Variants in CHL1 observed in about 807,000 individuals in gnomAD.
CHL1 encodes the protein cell adhesion molecule L1 like.
A neutral mutation model predicts 141.9 loss-of-function variants in CHL1; 96 were observed. That is an observed-to-expected ratio of 0.68 (90% CI 0.57 to 0.80). The LOEUF is 0.80. Ranked by LOEUF, CHL1 falls within the 30% of genes least tolerant of loss-of-function variation. The pLI is 0.00. For missense variants in CHL1, 1,820 were observed against 1,457.2 expected (o/e 1.25, Z -4.05); for synonymous variants, 613 against 502.2 (o/e 1.22, Z -2.95).
At chr3:247,822 A>T (rs1446320171) in intron 2 of CHL1, 1 of 152,136 alleles carries the variant, frequency 6.6e-6, no homozygotes, top group Admixed American at 6.6e-5. Context: ...AGGTGATGAA[A>T]GATTCCACTG....
intron 19 of CHL1, among the ~76,000 whole-genome samples, chr3:386,937 T>A (rs1559344997): frequency 6.6e-6 from 1 of 152,216 alleles, no homozygotes; most frequent in African/African-American, 2.4e-5. Flanking sequence ...GTAACATATA[T>A]TTTGAGTAGC....
At chr3:280,989 TAACCCAGTAATTCCC>T (rs1696596304) in intron 2 of CHL1, among the ~76,000 whole-genome samples, 1 of 152,150 alleles carries the variant, frequency 6.6e-6, no homozygotes, top group South Asian at 2.1e-4. Flanking sequence ...TCACATTTTC[TAACCCAGTAATTCCC>T]AACTGGGGTT....
At chr3:345,467 A>T (rs9817484) in intron 9 of CHL1, among the ~76,000 whole-genome samples, 78,383 of 134,676 alleles carry the variant, frequency 0.58, 22,423 homozygotes, top group Admixed American at 0.72. Context: ...TATTTATTTA[A>T]TTATTTATTC....
At chr3:270,067 G>C (rs1695502285) in intron 2 of CHL1, among the ~76,000 whole-genome samples, 1 of 152,108 alleles carries the variant, frequency 6.6e-6, no homozygotes, top group African/African-American at 2.4e-5. Context: ...AATCAAAAAA[G>C]AGACAACGCT....
At chr3:352,674 C>T (rs1703369167) in intron 10 of CHL1, among the ~76,000 whole-genome samples, 2 of 152,096 alleles carry the variant, frequency 1.3e-5, no homozygotes, top group Admixed American at 6.6e-5. Flanking sequence ...CCCAATATTA[C>T]ATGATTCAGG....
At chr3:385,159 C>A (rs932859722) in intron 19 of CHL1, among the ~76,000 whole-genome samples, 1 of 151,946 alleles carries the variant, frequency 6.6e-6, no homozygotes, top group African/African-American at 2.4e-5. Context: ...CTGTATTATC[C>A]TCCCTTAAGT....
intron 2 of CHL1, among the ~76,000 whole-genome samples, chr3:315,718 C>T (rs1452387838): frequency 6.6e-6 from 1 of 152,074 alleles, no homozygotes; most frequent in Non-Finnish European, 1.5e-5. Flanking sequence ...ACTAGTCGTA[C>T]TGGAGAACCT....
chr3:248,742 A>C (rs773541738), intron 2 of CHL1: 6 of 152,144 alleles, frequency 3.9e-5, no homozygotes, highest in Non-Finnish European at 5.9e-5. Flanking sequence ...ACAGTTCCTC[A>C]GTTGCTACTG....
intron 2 of CHL1, among the ~76,000 whole-genome samples, chr3:292,531 C>T (rs1462348080): frequency 6.6e-6 from 1 of 152,160 alleles, no homozygotes; most frequent in Non-Finnish European, 1.5e-5. Context: ...TTCACCACAC[C>T]ACAGTAGGTA....
At chr3:217,381 A>G (rs765639747) in intron 1 of CHL1, among the ~76,000 whole-genome samples, 8 of 152,200 alleles carry the variant, frequency 5.3e-5, no homozygotes, top group Non-Finnish European at 1.0e-4. Context: ...TGAGGAAGAC[A>G]GATTTCCTGC....
At chr3:244,561 T>C in intron 1 of CHL1, 52 bp from the exon 2 acceptor site, 1 of 152,212 alleles carries the variant, frequency 6.6e-6, no homozygotes, top group East Asian at 1.9e-4. Flanking sequence ...AATTTAAAAG[T>C]GACTCAAATG....
At chr3:232,091 G>T (rs534513688) in intron 1 of CHL1, among the ~76,000 whole-genome samples, 1 of 152,118 alleles carries the variant, frequency 6.6e-6, no homozygotes, top group Non-Finnish European at 1.5e-5. Context: ...TGGCTGACGA[G>T]ACGTTATGCT....
intron 2 of CHL1, among the ~76,000 whole-genome samples, chr3:267,394 G>A (rs182995137): frequency 7.0e-4 from 106 of 152,246 alleles, no homozygotes; most frequent in African/African-American, 2.3e-3. Flanking sequence ...AGGCCTTGGG[G>A]TGGGGTGGAA....
intron 3 of CHL1, among the ~76,000 whole-genome samples, chr3:322,917 C>G (rs1454618658): frequency 1.3e-5 from 2 of 151,302 alleles, no homozygotes; most frequent in Non-Finnish European, 2.9e-5. Flanking sequence ...AACAGTTTTG[C>G]TTATGATTAT....
intron 11 of CHL1, among the ~76,000 whole-genome samples, chr3:357,994 G>A (rs1299485030): frequency 6.6e-6 from 1 of 152,144 alleles, no homozygotes; most frequent in Non-Finnish European, 1.5e-5. Context: ...ACTTGGAAGA[G>A]CTACTCATCT....
rs144868787 is a variant in CHL1, at chr3:313,886, G to T, written c.-94-5797G>T. Among the ~76,000 whole-genome samples the T allele has an allele frequency of 4.7e-3, 719 of 152,164 alleles. 4 individuals are homozygous for T. Among genetic ancestry groups the T allele is most frequent in the African/African-American group, 0.016 (673 of 41,524 alleles). Reference sequence around the variant, plus strand: ...CTTAAATGATGGTGTACTATAAAATGGGCTTACATTTTCTTTAGGTGGGCT... The same window carrying T: ...CTTAAATGATGGTGTACTATAAAATTGGCTTACATTTTCTTTAGGTGGGCT... On this transcript the variant is annotated intron_variant, in intron 2 of 27. Coordinates refer to ENST00000256509, the MANE Select transcript of CHL1 (RefSeq NM_006614.4).
In CHL1 at chr3:234,260, G is replaced by C. The variant is rs112343279; in HGVS notation, c.-174-10353G>C. ...ATATTTGTATTTTACCAAATATCTA[G>C]AGTGAGAATTTGTTACTTTTAGAAT... On this transcript the variant is annotated intron_variant, in intron 1 of 27. Coordinates refer to ENST00000256509, the MANE Select transcript of CHL1 (RefSeq NM_006614.4). 3.5e-3 allele frequency among the ~76,000 whole-genome samples: 532 copies of C among 151,160 alleles called. 6 individuals are homozygous for C. Among genetic ancestry groups the C allele is most frequent in the African/African-American group, 0.012 (514 of 41,242 alleles).
intron 10 of CHL1, among the ~76,000 whole-genome samples, chr3:350,130 A>C (rs573617208): frequency 4.6e-5 from 7 of 152,312 alleles, no homozygotes; most frequent in Admixed American, 6.5e-5. Context: ...TGTATGCTAT[A>C]ATATTAATTC....
intron 2 of CHL1, among the ~76,000 whole-genome samples, chr3:313,986 A>G (rs1201535050): frequency 6.6e-6 from 1 of 152,192 alleles, no homozygotes; most frequent in Admixed American, 6.5e-5. Flanking sequence ...AATATGCAGA[A>G]CATACACACT....
Sources: allele counts gnomAD v4.1 joint callset (sites outside exome capture counted in the v4.1 genomes callset), GRCh38; gene constraint gnomAD v4.1.1; transcripts MANE v1.5; gene names NCBI Gene and HGNC (gene_info 2026-07-23, HGNC 2026-07-21).